The following RORA variants were observed in gnomAD, a reference collection of about 807,000 sequenced individuals.
RORA encodes nuclear receptor ROR-alpha.
A neutral mutation model predicts 69.5 loss-of-function variants in RORA; 7 were observed. The ratio of observed to expected loss-of-function variants is 0.10; its 90% CI spans 0.06 to 0.19. The LOEUF (loss-of-function observed/expected upper bound fraction) is 0.19, where lower values mean the gene tolerates loss of function less well. Among genes scored for constraint, RORA ranks in the 10% least tolerant of loss-of-function variants. RORA has a pLI of 1.00. For synonymous variants in RORA, 261 were observed against 240.8 expected, an observed-to-expected ratio of 1.08 and a Z score of -0.78; for missense variants, 457 against 663.0, an observed-to-expected ratio of 0.69 and a Z score of 3.41.
At chr15:61,162,924 G>C (rs531923801) in intron 1 of RORA, among the ~76,000 whole-genome samples, 1 of 152,224 alleles carries the variant, frequency 6.6e-6, no homozygotes, top group South Asian at 2.1e-4. Context: ...CATTTAATAG[G>C]GTCAGAGCAG....
chr15:60,769,246 T>C (rs1432342672), intron 1 of RORA, among the ~76,000 whole-genome samples: 1 of 152,222 alleles, frequency 6.6e-6, no homozygotes, highest in Non-Finnish European at 1.5e-5. Context: ...AAAGTAAATG[T>C]GCAAACTGCT....
intron 1 of RORA, among the ~76,000 whole-genome samples, chr15:61,155,766 G>T (rs2079436780): frequency 6.6e-6 from 1 of 152,298 alleles, no homozygotes; most frequent in African/African-American, 2.4e-5. Flanking sequence ...ACTTGACAAA[G>T]GCTGATGATG....
At chr15:60,697,886 C>T (rs568648378) in intron 1 of RORA, among the ~76,000 whole-genome samples, 29 of 152,260 alleles carry the variant, frequency 1.9e-4, no homozygotes, top group Middle Eastern at 3.4e-3. Context: ...CAGAGTTATA[C>T]CTCTCAGTCA....
In RORA at chr15:61,215,031, ATTTTTTT is replaced by A. The variant is rs61132940; in HGVS notation, c.166+14015_166+14021del. Among the ~76,000 whole-genome samples, 48 of 80,636 alleles carry A rather than the reference ATTTTTTT, an allele frequency of 6.0e-4. 1 individual carries two copies. Among genetic ancestry groups the A allele is most frequent in the African/African-American group, 2.1e-3 (42 of 20,066 alleles). 52.9% of individuals were successfully genotyped at this position (80,636 alleles called of 152,430 possible). Reference sequence around the variant, plus strand: ...AGGCGCCCGCCACCACGCCCAGCTAATTTTTTTTTTTTTTTTTTTTTTTTTGTATTTT... The same window carrying A: ...AGGCGCCCGCCACCACGCCCAGCTAATTTTTTTTTTTTTTTTTTGTATTTT... On this transcript the variant is annotated intron_variant, in intron 1 of 10. Coordinates refer to ENST00000335670, the MANE Select transcript of RORA (RefSeq NM_134261.3).
chr15:61,185,121 C>G (rs2079728678), intron 1 of RORA, among the ~76,000 whole-genome samples: 1 of 152,156 alleles, frequency 6.6e-6, no homozygotes, highest in South Asian at 2.1e-4. Context: ...ACAAATGAAC[C>G]CAGACTGCAA....
intron 1 of RORA, among the ~76,000 whole-genome samples, chr15:60,884,344 T>A (rs2073728087): frequency 6.6e-6 from 1 of 152,026 alleles, no homozygotes; most frequent in South Asian, 2.1e-4. Context: ...TTTTTTTTTT[T>A]TTTCAAAAGT....
At position 60,774,749 on chromosome 15, in the gene RORA, C is replaced by A. The variant is rs550906418; in HGVS notation, c.167-96063G>T. The stretch of plus-strand genomic sequence containing the variant: ...TCATTTGCTGGTCTCTTTCTAAAGG[C>A]TGTAGTCTGCCACTTCCATGGTAAT... On this transcript the variant is annotated intron_variant, in intron 1 of 10. Transcript: ENST00000335670. Among the ~76,000 whole-genome samples the A allele has an allele frequency of 2.5e-4, 38 of 152,318 alleles. No homozygotes were observed. The South Asian group carries it at 7.5e-3, about 30-fold the overall frequency.
At chr15:60,737,198 G>A (rs148297479) in intron 1 of RORA, among the ~76,000 whole-genome samples, 10 of 152,328 alleles carry the variant, frequency 6.6e-5, no homozygotes, top group African/African-American at 2.2e-4. Flanking sequence ...GGTGGATCAT[G>A]TTGTCACTGC....
intron 1 of RORA, among the ~76,000 whole-genome samples, chr15:60,955,499 A>G (rs1033615068): frequency 6.6e-5 from 10 of 152,212 alleles, no homozygotes; most frequent in Non-Finnish European, 1.2e-4. Context: ...GTCATTCATA[A>G]GGTTACCCTG....
Position 61,216,495 on chromosome 15 carries a change from GAT to G in RORA, c.166+12556_166+12557del, listed in dbSNP as rs753030628. 1.8e-3 allele frequency among the ~76,000 whole-genome samples: 6 copies of G among 3,366 alleles called. No individual in the cohort carries two copies. In the Non-Finnish European group the frequency reaches 0.02, roughly 11 times the overall value. 2.2% of individuals were successfully genotyped at this position (3,366 alleles called of 152,430 possible). On this transcript the variant is annotated intron_variant, in intron 1 of 10. Transcript: ENST00000335670. ...CCTTGCAGACAAGCTTCTCCGATGT[GAT>G]TTTTTTTTTTGGCAGAAAGGAGAAA...
intron 1 of RORA, among the ~76,000 whole-genome samples, chr15:61,031,510 T>A (rs760788257): frequency 3.9e-5 from 6 of 152,190 alleles, no homozygotes; most frequent in Non-Finnish European, 8.8e-5. Flanking sequence ...TTTTGTACTA[T>A]GTGGTTGTGT....
chr15:60,739,268 G>A (rs1225753428), intron 1 of RORA, among the ~76,000 whole-genome samples: 3 of 152,124 alleles, frequency 2.0e-5, no homozygotes, highest in Non-Finnish European at 2.9e-5. Context: ...CCAGGGGTGG[G>A]GAGAGATACA....
chr15:60,999,595 T>G (rs950231149), intron 1 of RORA, among the ~76,000 whole-genome samples: 5 of 152,170 alleles, frequency 3.3e-5, no homozygotes, highest in Admixed American at 2.0e-4. Flanking sequence ...CTCCCACACA[T>G]GTGCCCAAGC....
chr15:61,175,829 C>G (rs1289333479), intron 1 of RORA, among the ~76,000 whole-genome samples: 1 of 152,180 alleles, frequency 6.6e-6, no homozygotes, highest in Non-Finnish European at 1.5e-5. Flanking sequence ...ATTTCTTGCT[C>G]TGAGTTGGGC....
At chr15:61,043,765 G>A (rs764039629) in intron 1 of RORA, among the ~76,000 whole-genome samples, 16 of 152,156 alleles carry the variant, frequency 1.1e-4, no homozygotes, top group Non-Finnish European at 1.9e-4. Context: ...CAGGAGGCAA[G>A]GAAGCAAAGG....
chr15:60,996,440 A>G (rs1226032935), intron 1 of RORA, among the ~76,000 whole-genome samples: 2 of 152,232 alleles, frequency 1.3e-5, no homozygotes, highest in Non-Finnish European at 2.9e-5. Context: ...ACTGAACACA[A>G]GATCTGTATA....
intron 1 of RORA, among the ~76,000 whole-genome samples, chr15:60,974,797 C>A (rs569190276): frequency 6.6e-6 from 1 of 152,172 alleles, no homozygotes; most frequent in Non-Finnish European, 1.5e-5. Context: ...AGGGGACCAC[C>A]GTATCAGGTA....
intron 3 of RORA, among the ~76,000 whole-genome samples, chr15:60,516,223 T>A (rs201808508): frequency 0.021 from 254 of 11,832 alleles, 8 homozygotes; most frequent in African/African-American, 0.028. Flanking sequence ...ATATATATAT[T>A]TATATATATA....
intron 1 of RORA, among the ~76,000 whole-genome samples, chr15:61,019,686 G>C (rs1895436566): frequency 1.3e-5 from 2 of 152,088 alleles, no homozygotes; most frequent in African/African-American, 4.8e-5. Flanking sequence ...GCTACTTCAA[G>C]TCTCTCACAT....
Sources: gnomAD v4.1 joint callset for allele counts (sites outside exome capture counted in the v4.1 genomes callset) on GRCh38, gnomAD v4.1.1 for gene constraint, MANE v1.5 for transcripts, NCBI Gene and HGNC (gene_info 2026-07-23, HGNC 2026-07-21) for gene names.